The following BLM variants were observed in gnomAD, a reference collection of about 807,000 sequenced individuals.
BLM encodes the protein BLM RecQ like helicase.
In BLM, 95 loss-of-function variants were observed where a neutral mutation model predicts 135.3. The ratio of observed to expected loss-of-function variants is 0.70; its 90% CI spans 0.59 to 0.83. The LOEUF (loss-of-function observed/expected upper bound fraction) is 0.83. BLM is among the 40% of genes least tolerant of loss of function. The pLI is 0.00. For synonymous variants in BLM, 520 were observed against 589.2 expected, an observed-to-expected ratio of 0.88 and a Z score of 1.70; for missense variants, 1,518 against 1,663.9, an observed-to-expected ratio of 0.91 and a Z score of 1.53.
In BLM at chr15:90,747,461, T is replaced by C; in HGVS notation, c.69T>C (p.Asn23=). Residue 23 remains asparagine (N), a synonymous_variant, in exon 2 of 22, where the codon AAT becomes AAC. Coordinates refer to ENST00000355112, the MANE Select transcript of BLM (RefSeq NM_000057.4). ...GTCACTCAGCCAGAACACTTAATAA[T>C]AAATTAAGTCTTTCAAAACCAAAAT... ...LERHSARTLN[N]KLSLSKPKFS... is the part of the protein sequence containing the mutation. 1 of 1,609,736 alleles carries C rather than the reference T, an allele frequency of 6.2e-7. No homozygotes were observed. Among genetic ancestry groups the C allele is most frequent in the Non-Finnish European group, 8.5e-7 (1 of 1,177,276 alleles).
In BLM at chr15:90,769,902, A is replaced by G. The variant is rs28385041; in HGVS notation, c.2555+316A>G. ...TAGGGATAAATTGCATGCCATATCT[A>G]TCATCCCTGGTATAGTCCCAGTAAT... On this transcript the variant is annotated intron_variant, in intron 12 of 21. Coordinates refer to ENST00000355112, the MANE Select transcript of BLM (RefSeq NM_000057.4). 3.4e-3 allele frequency among the ~76,000 whole-genome samples: 519 copies of G among 152,244 alleles called. 1 individual carries two copies. The highest frequency in any genetic ancestry group is 0.012 in the African/African-American group (489 of 41,550).
chr15:90,804,604 C>T (rs533723392), intron 19 of BLM, among the ~76,000 whole-genome samples: 2 of 152,080 alleles, frequency 1.3e-5, no homozygotes, highest in Non-Finnish European at 2.9e-5. Context: ...GCTGGGACTA[C>T]AGGTACACAC....
chr15:90,757,642 C>T (rs1208675783), intron 5 of BLM, among the ~76,000 whole-genome samples: 1 of 152,208 alleles, frequency 6.6e-6, no homozygotes, highest in Non-Finnish European at 1.5e-5. Context: ...ACTCCCTGTT[C>T]TGTCCTCACT....
rs889325204 is a variant in BLM at position 90,764,715 on chromosome 15, A to C, written c.2075-581A>C. Reference sequence around the variant, plus strand: ...GAGACTCTTCTACTACTAGAAATAAAAACTTTACTGTATTCCACTACATTT... The same window carrying C: ...GAGACTCTTCTACTACTAGAAATAACAACTTTACTGTATTCCACTACATTT... On this transcript the variant is annotated intron_variant, in intron 8 of 21. Transcript: ENST00000355112. Among the ~76,000 whole-genome samples the C allele has an allele frequency of 2.6e-5, 4 of 152,244 alleles. 1 individual carries two copies. The highest frequency in any genetic ancestry group is 9.6e-5 in the African/African-American group (4 of 41,470).
intron 1 of BLM, among the ~76,000 whole-genome samples, chr15:90,735,628 GA>G (rs1179436174): frequency 6.6e-6 from 1 of 151,878 alleles, no homozygotes; most frequent in Non-Finnish European, 1.5e-5. Flanking sequence ...TTAGCCACTT[GA>G]AAAAACAAAA....
intron 1 of BLM, among the ~76,000 whole-genome samples, chr15:90,723,945 A>C (rs1179829267): frequency 2.6e-5 from 4 of 151,802 alleles, no homozygotes; most frequent in Non-Finnish European, 5.9e-5. Context: ...AATGGCTTCA[A>C]GGTTCATCTG....
intron 4 of BLM, 63 bp downstream of exon 4, chr15:90,752,009 A>C (rs1895700738): frequency 7.3e-7 from 1 of 1,378,962 alleles, no homozygotes; most frequent in Admixed American, 1.8e-5. Flanking sequence ...TGTTTAATTT[A>C]GTTTATAATA....
intron 1 of BLM, among the ~76,000 whole-genome samples, chr15:90,731,493 C>G (rs1895068702): frequency 6.6e-6 from 1 of 152,174 alleles, no homozygotes. Flanking sequence ...CTGCGCCACT[C>G]TGGTCTTGAT....
At chr15:90,769,668 C>T in intron 12 of BLM, 82 bp downstream of exon 12, 1 of 1,480,150 alleles carries the variant, frequency 6.8e-7, no homozygotes, top group Middle Eastern at 2.4e-4. Context: ...ACCTGTGGCG[C>T]TTTAACGCCA....
Position 90,761,252 on chromosome 15 carries a change from A to G in BLM, c.1879A>G (p.Thr627Ala), listed in dbSNP as rs1895981084. 6.6e-7 allele frequency: 1 copy of G among 1,520,406 alleles called. No homozygotes were observed. 94.2% of individuals were successfully genotyped at this position (1,520,406 alleles called of 1,614,324 possible). The change falls in exon 7 of 22, where the codon ACT becomes GCT. Residue 627 changes from threonine to alanine, a missense_variant. Transcript: ENST00000355112. The part of the protein sequence containing the change: ...INFSESIQNY[T>A]DKSAQNLASR... ...CTTCTCAGAGTCAATTCAGAATTAT[A>G]CTGGTAAGTTTAAAATAAATTGAAT...
intron 1 of BLM, among the ~76,000 whole-genome samples, chr15:90,718,760 G>A (rs987799173): frequency 9.2e-5 from 14 of 151,910 alleles, no homozygotes; most frequent in African/African-American, 3.1e-4. Flanking sequence ...TATTTCCTTC[G>A]TTTTACTGAG....
At chr15:90,772,215 C>T (rs1178446068) in intron 12 of BLM, among the ~76,000 whole-genome samples, 5 of 152,158 alleles carry the variant, frequency 3.3e-5, no homozygotes, top group East Asian at 1.9e-4. Flanking sequence ...GTGGCCCTGG[C>T]GAAGTCAGGT....
At chr15:90,734,295 T>TC (rs1895143538) in intron 1 of BLM, among the ~76,000 whole-genome samples, 2 of 151,474 alleles carry the variant, frequency 1.3e-5, no homozygotes, top group African/African-American at 4.8e-5. Context: ...AATACTTCTT[T>TC]TTTTTTTTTT....
intron 12 of BLM, among the ~76,000 whole-genome samples, chr15:90,780,456 G>T (rs1032206601): frequency 3.3e-5 from 5 of 152,136 alleles, no homozygotes; most frequent in Non-Finnish European, 5.9e-5. Flanking sequence ...CTGGGCTCAA[G>T]TGATCCTCCT....
chr15:90,722,528 A>C (rs1894797474), intron 1 of BLM, among the ~76,000 whole-genome samples: 1 of 152,052 alleles, frequency 6.6e-6, no homozygotes. Flanking sequence ...CGGAGGTTGC[A>C]GTGAGCCTAG....
chr15:90,747,340 T>TA, intron 1 of BLM, 49 bp from the exon 2 acceptor site: 1 of 1,420,760 alleles, frequency 7.0e-7, no homozygotes, highest in Non-Finnish European at 9.8e-7. Flanking sequence ...ACATTGTGAT[T>TA]AATGCAAAGT....
chr15:90,742,255 C>T (rs1567031677), intron 1 of BLM, among the ~76,000 whole-genome samples: 1 of 151,988 alleles, frequency 6.6e-6, no homozygotes, highest in Non-Finnish European at 1.5e-5. Context: ...CCACCTTTGC[C>T]CCAGGGAAAG....
chr15:90,765,708 G>A (rs1187967572), intron 9 of BLM, among the ~76,000 whole-genome samples: 1 of 152,190 alleles, frequency 6.6e-6, no homozygotes, highest in Non-Finnish European at 1.5e-5. Flanking sequence ...GGTCGGCATA[G>A]TTCTCTTTCC....
intron 1 of BLM, among the ~76,000 whole-genome samples, chr15:90,733,517 CA>C (rs1895120739): frequency 6.6e-6 from 1 of 152,144 alleles, no homozygotes; most frequent in Non-Finnish European, 1.5e-5. Context: ...GGAAAACTTC[CA>C]AATTCTTTAT....
Sources: allele counts gnomAD v4.1 joint callset (sites outside exome capture counted in the v4.1 genomes callset), GRCh38; gene constraint gnomAD v4.1.1; transcripts MANE v1.5; gene names NCBI Gene and HGNC (gene_info 2026-07-23, HGNC 2026-07-21).